The following LRRC45 variants were observed in gnomAD, a reference collection of about 807,000 sequenced individuals.
LRRC45 encodes the protein leucine-rich repeat-containing protein 45.
In LRRC45, 73 loss-of-function variants were observed where a neutral mutation model predicts 85.4. That is an observed-to-expected ratio of 0.85 (90% CI 0.71 to 1.04). The LOEUF (loss-of-function observed/expected upper bound fraction) is 1.04. Among genes scored for constraint, LRRC45 ranks in the 50% least tolerant of loss-of-function variants. The probability of loss-of-function intolerance (pLI) is 0.00; values close to 1 mark genes in which losing one functional copy is unlikely to be tolerated. For missense variants in LRRC45, 937 were observed against 883.3 expected, an observed-to-expected ratio of 1.06 and a Z score of -0.77; for synonymous variants, 429 against 386.0, an observed-to-expected ratio of 1.11 and a Z score of -1.31.
Position 82,030,436 on chromosome 17 carries a change from A to G in LRRC45, c.1786A>G (p.Lys596Glu). Residue 596 changes from lysine to glutamate, a missense_variant, in exon 16 of 17, where the codon AAG becomes GAG. Transcript: ENST00000306688. ...ELAAQEALRE[K>E]AAALERQLKV... ...GGCGGCTCAGGAGGCGCTGAGGGAG[A>G]AGGCGGCGGCCCTGGAGCGCCAGCT... The G allele has an allele frequency of 6.5e-7, 1 of 1,547,958 alleles. No homozygotes were observed. Among genetic ancestry groups the G allele is most frequent in the East Asian group, 2.4e-5 (1 of 41,004 alleles).
At chr17:82,029,667 G>A in intron 14 of LRRC45, 32 bp downstream of exon 14, 1 of 1,542,846 alleles carries the variant, frequency 6.5e-7, no homozygotes, top group South Asian at 1.2e-5. Context: ...CCCTCCGGGG[G>A]AGCCAGGCTG....
At chr17:82,027,559 T>C in intron 7 of LRRC45, 115 bp downstream of exon 7, 1 of 1,544,258 alleles carries the variant, frequency 6.5e-7, no homozygotes, top group Non-Finnish European at 8.9e-7. Flanking sequence ...CGCTGGAGGC[T>C]CAGTGCCCAG....
chr17:82,026,740 A>G, intron 5 of LRRC45, 159 bp from the exon 6 acceptor site: 2 of 529,288 alleles, frequency 3.8e-6, no homozygotes, highest in Non-Finnish European at 7.0e-6. Context: ...TACCATGCCC[A>G]GCTACTTTTT....
In LRRC45 at chr17:82,028,645, C is replaced by T; in HGVS notation, c.1270C>T (p.Gln424Ter). The T allele has an allele frequency of 6.2e-7, 1 of 1,612,850 alleles. No homozygotes were observed. The highest frequency in any genetic ancestry group is 8.5e-7 in the Non-Finnish European group (1 of 1,179,962). The change falls in exon 12 of 17, where the codon CAG becomes TAG. Residue 424 changes from glutamine to a stop codon, truncating the protein, a stop_gained. Transcript: ENST00000306688. LOFTEE classifies it high-confidence loss of function. ...GGACATGGAGAAGAGAAGATGCAGA[C>T]AGAGCCTGGAGGACTCCGAAAGCCT... ...RLDMEKRRCRQSLEDSESLRI... is the reference protein window; with the variant it reads ...RLDMEKRRCR
chr17:82,024,467 C>T (rs987457462), intron 2 of LRRC45, 128 bp downstream of exon 2: 18 of 1,154,072 alleles, frequency 1.6e-5, no homozygotes, highest in African/African-American at 3.1e-5. Context: ...GTCCCCAGGC[C>T]GCTCTCTGAT....
chr17:82,023,324 GCC>G lies in LRRC45; in HGVS notation c.-317_-316del, dbSNP rs2043329411. ...CGCCTTGTTCTTCCTGGATACTGAG[GCC>G]CCGACGCGGCTGTCGCGAGGGCGGG... is the stretch of plus-strand genomic sequence containing the variant. On this transcript the variant is annotated 5_prime_UTR_variant, in exon 1 of 17. Coordinates refer to ENST00000306688, the MANE Select transcript of LRRC45 (RefSeq NM_144999.4). 1 of 456,082 alleles carries G rather than the reference GCC, an allele frequency of 2.2e-6. No homozygotes were observed. The highest frequency in any genetic ancestry group is 3.9e-6 in the Non-Finnish European group (1 of 258,296). 28.3% of individuals were successfully genotyped at this position (456,082 alleles called of 1,614,324 possible).
At chr17:82,028,806 T>G (rs2043390998) in intron 12 of LRRC45, 123 bp downstream of exon 12, 2 of 1,134,480 alleles carry the variant, frequency 1.8e-6, no homozygotes, top group South Asian at 1.5e-5. Context: ...GTGGCCGTAT[T>G]TTGCCAGCCT....
At chr17:82,025,549 CAG>C (rs1263792708) in intron 5 of LRRC45, 42 bp downstream of exon 5, 2 of 1,489,218 alleles carry the variant, frequency 1.3e-6, no homozygotes. Flanking sequence ...GAGCCTTTGA[CAG>C]AGGCCTGTCC....
intron 12 of LRRC45, 28 bp downstream of exon 12, chr17:82,028,711 C>A: frequency 6.3e-7 from 1 of 1,596,288 alleles, no homozygotes; most frequent in Non-Finnish European, 8.5e-7. Context: ...CTCTAATGCG[C>A]CTCAGTCTCT....
Position 82,030,048 on chromosome 17 carries a change from G to T in LRRC45, c.1495-17G>T. 6.5e-7 allele frequency: 1 copy of T among 1,536,898 alleles called. No individual in the cohort carries two copies. On this transcript the variant is annotated splice_polypyrimidine_tract_variant and intron_variant, in intron 14 of 16. Transcript: ENST00000306688. Reference sequence around the variant, plus strand: ...GGCTGAGCCCCTCATGCTTCGTGGCGGCCCCTGTGCTCACAGCAACAGCGC... The same window carrying T: ...GGCTGAGCCCCTCATGCTTCGTGGCTGCCCCTGTGCTCACAGCAACAGCGC...
In LRRC45 at chr17:82,025,126, C is replaced by T. The variant is rs755901218; in HGVS notation, c.480C>T (p.Gly160=). 31 of 1,610,730 alleles carry T rather than the reference C, an allele frequency of 1.9e-5. No individual in the cohort carries two copies. Among genetic ancestry groups the T allele is most frequent in the Middle Eastern group, 1.6e-4 (1 of 6,068 alleles). The change falls in exon 4 of 17, where the codon GGC becomes GGT. Residue 160 remains glycine, a synonymous_variant. Transcript: ENST00000306688. ...DLRNNQISHK[G]AEELALALKG... is the part of the protein sequence containing the mutation. ...GCAACAACCAGATCAGTCACAAGGGCGCGGAGGAGCTGGCCCTAGCCCTGA... is the reference window on the plus strand; with the variant it reads ...GCAACAACCAGATCAGTCACAAGGGTGCGGAGGAGCTGGCCCTAGCCCTGA...
chr17:82,027,441 G>T lies in LRRC45; in HGVS notation c.830G>T (p.Ser277Ile). 1.2e-6 allele frequency: 2 copies of T among 1,612,738 alleles called. No individual in the cohort carries two copies. Among genetic ancestry groups the T allele is most frequent in the Non-Finnish European group, 1.7e-6 (2 of 1,179,968 alleles). ...CAGCGAGAAGAGATGGCCAAGAGCA[G>T]CAGGTGAGCGGGCCCAGGGCAGGGG... is the stretch of plus-strand genomic sequence containing the variant. ...DKQREEMAKS[S>I]RASAARVGQL... Residue 277 changes from serine (S) to isoleucine (I), a missense_variant, in exon 7 of 17, where the codon AGC becomes ATC. Transcript: ENST00000306688.
chr17:82,024,181 C>G (rs774277138), intron 1 of LRRC45, 97 bp from the exon 2 acceptor site: 13 of 1,380,326 alleles, frequency 9.4e-6, no homozygotes, highest in Non-Finnish European at 1.2e-5. Context: ...GACAGTTGTC[C>G]CTTCCTGGGT....
In LRRC45 at chr17:82,029,078, C is replaced by T. The variant is rs2043393245; in HGVS notation, c.1309-15C>T. 2 of 1,609,970 alleles carry T rather than the reference C, an allele frequency of 1.2e-6. No homozygotes were observed. The highest frequency in any genetic ancestry group is 1.7e-6 in the Non-Finnish European group (2 of 1,178,830). ...CGCTCTCCACTCTGGCCCCACAATC[C>T]CTGCCCCTGAGCAGGTGGAGCATAT... On this transcript the variant is annotated splice_polypyrimidine_tract_variant and intron_variant, in intron 12 of 16. Transcript: ENST00000306688.
Position 82,030,379 on chromosome 17 carries a change from C to A in LRRC45, c.1729C>A (p.Gln577Lys). The part of the protein sequence containing the change: ...AEVSRVRVEL[Q>K]EQNGRLQAEL... ...GGTGAGCAGGGTGCGCGTGGAGCTG[C>A]AGGAGCAGAACGGCCGGCTGCAGGC... Residue 577 changes from glutamine (Q) to lysine (K), a missense_variant, in exon 16 of 17, where the codon CAG (glutamine) becomes AAG (lysine). Coordinates refer to ENST00000306688, the MANE Select transcript of LRRC45 (RefSeq NM_144999.4). 1 of 1,550,020 alleles carries A rather than the reference C, an allele frequency of 6.5e-7. No homozygotes were observed. Among genetic ancestry groups the A allele is most frequent in the Non-Finnish European group, 8.7e-7 (1 of 1,146,930 alleles).
chr17:82,030,720 A>T lies in LRRC45; in HGVS notation c.1928A>T (p.Glu643Val). ...GAGATCGCCCGCATCCGGGACGAGG[A>T]GGCCCAGAGGGCGAGCTTCCTGCAG... ...EAEIARIRDE[E>V]AQRASFLQNA... The change falls in exon 17 of 17, where the codon GAG becomes GTG. Residue 643 changes from glutamate to valine, a missense_variant. Transcript: ENST00000306688. 1.3e-6 allele frequency: 2 copies of T among 1,498,510 alleles called. No individual in the cohort carries two copies. Among genetic ancestry groups the T allele is most frequent in the Non-Finnish European group, 1.8e-6 (2 of 1,114,156 alleles). 92.8% of individuals were successfully genotyped at this position (1,498,510 alleles called of 1,614,324 possible).
intron 2 of LRRC45, 77 bp downstream of exon 2, chr17:82,024,416 G>T (rs942787717): frequency 1.3e-6 from 2 of 1,560,576 alleles, no homozygotes; most frequent in African/African-American, 2.7e-5. Flanking sequence ...CCAGGTCTCG[G>T]GGGCCTGGGG....
chr17:82,026,817 T>A, intron 5 of LRRC45, 82 bp from the exon 6 acceptor site: 1 of 1,094,964 alleles, frequency 9.1e-7, no homozygotes, highest in Non-Finnish European at 1.3e-6. Flanking sequence ...TGACCTCAGG[T>A]GATCCACCCA....
chr17:82,027,471 G>A, intron 7 of LRRC45, 27 bp downstream of exon 7: 2 of 1,612,496 alleles, frequency 1.2e-6, no homozygotes, highest in Non-Finnish European at 1.7e-6. Flanking sequence ...CAGGGGCAGG[G>A]TGAGGCTTCA....
Sources: allele counts gnomAD v4.1 joint callset, GRCh38; gene constraint gnomAD v4.1.1; transcripts MANE v1.5; gene names NCBI Gene and HGNC (gene_info 2026-07-23, HGNC 2026-07-21).